Variants in TBC1D1 observed in about 807,000 individuals in gnomAD.
The protein encoded by TBC1D1 is TBC1 domain family member 1.
TBC1D1 carries 89 observed loss-of-function variants against 125.6 expected under a neutral mutation model. That is an observed-to-expected ratio of 0.71 (90% CI 0.60 to 0.85). TBC1D1 has a LOEUF of 0.85. Among genes scored for constraint, TBC1D1 ranks in the 40% least tolerant of loss-of-function variants. The pLI, the probability that TBC1D1 is intolerant of heterozygous loss-of-function variation, is 0.00. For synonymous variants in TBC1D1, 565 were observed against 564.1 expected, an observed-to-expected ratio of 1.00 and a Z score of -0.02; for missense variants, 1,377 against 1,469.2, an observed-to-expected ratio of 0.94 and a Z score of 1.03.
rs148080159 is a variant in TBC1D1 at position 38,121,086 on chromosome 4, G to A, written c.2962+2894G>A. 2.0e-5 allele frequency among the ~76,000 whole-genome samples: 3 copies of A among 152,308 alleles called. No homozygotes were observed. The East Asian group carries it at 5.8e-4, about 29-fold the overall frequency. On this transcript the variant is annotated intron_variant, in intron 17 of 19. Coordinates refer to ENST00000261439, the MANE Select transcript of TBC1D1 (RefSeq NM_015173.4). Reference sequence around the variant, plus strand: ...GGCCAGGAAAATCTCCAGCTATTCAGGTGACATGATGCCGCGTGATGATGA... The same window carrying A: ...GGCCAGGAAAATCTCCAGCTATTCAAGTGACATGATGCCGCGTGATGATGA...
At chr4:38,016,634 G>A (rs751091980) in intron 3 of TBC1D1, among the ~76,000 whole-genome samples, 1 of 152,220 alleles carries the variant, frequency 6.6e-6, no homozygotes, top group African/African-American at 2.4e-5. Context: ...AGAGGGCATG[G>A]ATTTTCATTT....
intron 12 of TBC1D1, among the ~76,000 whole-genome samples, chr4:38,071,708 G>A (rs567694632): frequency 3.7e-4 from 57 of 152,316 alleles, no homozygotes; most frequent in African/African-American, 1.3e-3. Context: ...CACACTGTAG[G>A]TTCTCAGATG....
At chr4:37,974,045 C>T (rs968536807) in intron 2 of TBC1D1, among the ~76,000 whole-genome samples, 4 of 152,242 alleles carry the variant, frequency 2.6e-5, no homozygotes, top group Non-Finnish European at 5.9e-5. Flanking sequence ...ATGGAACTGT[C>T]AGCCTCCATC....
intron 5 of TBC1D1, chr4:38,020,901 A>G: frequency 2.4e-6 from 1 of 412,690 alleles, no homozygotes; most frequent in Non-Finnish European, 4.5e-6. Flanking sequence ...ATTTCTGAAG[A>G]ACTTGTTTAG....
intron 8 of TBC1D1, among the ~76,000 whole-genome samples, chr4:38,039,395 G>A (rs1480807059): frequency 6.6e-6 from 1 of 151,938 alleles, no homozygotes; most frequent in Non-Finnish European, 1.5e-5. Flanking sequence ...GGGATTACAG[G>A]TGTGAGCCAC....
intron 2 of TBC1D1, among the ~76,000 whole-genome samples, chr4:37,951,788 T>A (rs1727928229): frequency 6.6e-6 from 1 of 152,232 alleles, no homozygotes; most frequent in Admixed American, 6.5e-5. Flanking sequence ...ATAGTGTTTG[T>A]CCAGGAGAAT....
rs767762010 is a variant in TBC1D1 at position 38,137,292 on chromosome 4, A to AC, written c.3466dup (p.Arg1156ProfsTer4). ...CGGCGGCGGAGCGCAGAGCCCAGCG[A>AC]CCGGGAGCCTGAGTGCACGCAGCCC... On this transcript the variant is annotated frameshift_variant, in exon 20 of 20. Coordinates refer to ENST00000261439, the MANE Select transcript of TBC1D1 (RefSeq NM_015173.4). LOFTEE classifies it low-confidence loss of function (END_TRUNC). The AC allele has an allele frequency of 1.9e-4, 304 of 1,611,414 alleles. 1 individual carries two copies. The highest frequency in any genetic ancestry group is 4.0e-4 in the Admixed American group (24 of 59,990).
In TBC1D1 at chr4:37,995,096, A is replaced by T. The variant is rs1475365251; in HGVS notation, c.418-19413A>T. Among the ~76,000 whole-genome samples, 1 of 152,150 alleles carries T rather than the reference A, an allele frequency of 6.6e-6. No homozygotes were observed. The highest frequency in any genetic ancestry group is 1.5e-5 in the Non-Finnish European group (1 of 68,026). On this transcript the variant is annotated intron_variant, in intron 2 of 19. Transcript: ENST00000261439. The surrounding 1 kb of genome is among the most constrained non-coding windows in gnomAD (Gnocchi z 4.3). ...TTGTAGAATAGTAGAATTTGGAACT[A>T]GAAGTGATTTTAAGAGTACTGCAGT...
chr4:38,114,416 G>T (rs1482909938), intron 15 of TBC1D1, among the ~76,000 whole-genome samples: 3 of 152,212 alleles, frequency 2.0e-5, no homozygotes, highest in Non-Finnish European at 2.9e-5. Flanking sequence ...TCTTTTTCAG[G>T]AAGCTGAGGA....
chr4:38,079,368 G>A (rs545300148), intron 12 of TBC1D1, among the ~76,000 whole-genome samples: 82 of 152,306 alleles, frequency 5.4e-4, no homozygotes, highest in African/African-American at 1.9e-3. Context: ...ATTTAGTTCA[G>A]TCTTTGGCTT....
chr4:38,036,588 G>A (rs932136140), intron 8 of TBC1D1, among the ~76,000 whole-genome samples: 74 of 152,132 alleles, frequency 4.9e-4, no homozygotes, highest in African/African-American at 1.7e-3. Context: ...CTGTCCTACG[G>A]CAGCCTTTGC....
chr4:38,006,431 C>G (rs1740185547), intron 2 of TBC1D1, among the ~76,000 whole-genome samples: 2 of 150,830 alleles, frequency 1.3e-5, no homozygotes, highest in African/African-American at 4.9e-5. Context: ...TTTCTTCTCT[C>G]TGCCACAGAG....
chr4:38,072,939 A>G (rs1754951654), intron 12 of TBC1D1, among the ~76,000 whole-genome samples: 1 of 152,196 alleles, frequency 6.6e-6, no homozygotes, highest in African/African-American at 2.4e-5. Flanking sequence ...GTAGCATATG[A>G]CAGGATTTCT....
intron 8 of TBC1D1, among the ~76,000 whole-genome samples, chr4:38,040,160 T>C (rs949745720): frequency 2.6e-5 from 4 of 152,294 alleles, no homozygotes; most frequent in Non-Finnish European, 5.9e-5. Context: ...AGAAGAAACA[T>C]TGAATTAAGT....
chr4:37,998,222 G>A (rs79727442), intron 2 of TBC1D1, among the ~76,000 whole-genome samples: 5 of 152,154 alleles, frequency 3.3e-5, no homozygotes, highest in South Asian at 2.1e-4. Context: ...CACTCTGGGT[G>A]TGAGGGGCAG....
rs769466902 is a variant in TBC1D1, at chr4:38,125,036, A to G, written c.3037A>G (p.Ile1013Val). 6.2e-7 allele frequency: 1 copy of G among 1,614,174 alleles called. No individual in the cohort carries two copies. The highest frequency in any genetic ancestry group is 1.7e-5 in the Admixed American group (1 of 60,026). Residue 1013 changes from isoleucine to valine, a missense_variant, in exon 18 of 20, where the codon ATT becomes GTT. Physicochemically the swap from Ile to Val is conservative, Grantham distance 29. Transcript: ENST00000261439. ...TCTGTTGGGAAGCCATAAGCCCTTG[A>G]TTCTGCAGCATGAAAACCTAGAAAC...
chr4:38,072,965 CT>C (rs780877101), intron 12 of TBC1D1, among the ~76,000 whole-genome samples: 3 of 151,840 alleles, frequency 2.0e-5, no homozygotes, highest in Non-Finnish European at 2.9e-5. Flanking sequence ...TTTTTTCCGC[CT>C]TTTTTTTGAG....
At chr4:38,006,297 G>A (rs1740153008) in intron 2 of TBC1D1, among the ~76,000 whole-genome samples, 1 of 151,964 alleles carries the variant, frequency 6.6e-6, no homozygotes, top group Non-Finnish European at 1.5e-5. Context: ...CACAGTTAAA[G>A]TGTGTTCAAG....
chr4:37,906,129 A>G (rs941841820), intron 2 of TBC1D1, among the ~76,000 whole-genome samples: 2 of 151,580 alleles, frequency 1.3e-5, no homozygotes, highest in African/African-American at 4.9e-5. Flanking sequence ...CATCTTCAAT[A>G]TTGTCTCGTC....
Sources: allele counts gnomAD v4.1 joint callset (sites outside exome capture counted in the v4.1 genomes callset), GRCh38; gene constraint gnomAD v4.1.1; non-coding constraint Gnocchi (gnomAD v3.1); transcripts MANE v1.5; gene names NCBI Gene and HGNC (gene_info 2026-07-23, HGNC 2026-07-21).